The following DOCK7 variants were observed in gnomAD, a reference collection of about 807,000 sequenced individuals.
DOCK7 encodes dedicator of cytokinesis protein 7.
DOCK7 carries 138 observed loss-of-function variants against 271.0 expected under a neutral mutation model. The ratio of observed to expected loss-of-function variants is 0.51; its 90% CI spans 0.44 to 0.59. DOCK7 has a LOEUF of 0.59. Among genes scored for constraint, DOCK7 ranks in the 20% least tolerant of loss-of-function variants. DOCK7 has a pLI of 0.00. For synonymous variants in DOCK7, 823 were observed against 876.1 expected, an observed-to-expected ratio of 0.94 and a Z score of 1.07; for missense variants, 2,066 against 2,592.4, an observed-to-expected ratio of 0.80 and a Z score of 4.41.
chr1:62,475,803 C>A lies in DOCK7; in HGVS notation c.5865G>T (p.Gly1955=). The part of the protein sequence containing the change: ...TPFTLDGRAH[G]ELHEQFKRKT... ...TCCTTTTGAATTGTTCATGAAGTTC[C>A]CCATGGGCACGGCCATCTAAAGTAA... Residue 1955 remains glycine, a synonymous_variant, in exon 46 of 50, where the codon GGG becomes GGT. Coordinates refer to ENST00000635253, the MANE Select transcript of DOCK7 (RefSeq NM_001367561.1). The A allele has an allele frequency of 2.5e-6, 4 of 1,613,998 alleles. No individual in the cohort carries two copies. Among genetic ancestry groups the A allele is most frequent in the Non-Finnish European group, 3.4e-6 (4 of 1,179,924 alleles).
chr1:62,576,397 G>C (rs533660852), intron 18 of DOCK7, among the ~76,000 whole-genome samples: 19 of 152,322 alleles, frequency 1.2e-4, no homozygotes, highest in African/African-American at 4.6e-4. Context: ...CAAAGGGCCT[G>C]AAATGCAAAT....
At chr1:62,478,967 C>G (rs1571230333) in intron 43 of DOCK7, 2 of 151,960 alleles carry the variant, frequency 1.3e-5, no homozygotes, top group African/African-American at 4.8e-5. Flanking sequence ...ACTTTCTATG[C>G]AATTTTTACA....
At chr1:62,458,951 A>G (rs1645432700) in intron 48 of DOCK7, 1 of 152,246 alleles carries the variant, frequency 6.6e-6, no homozygotes, top group South Asian at 2.1e-4. Flanking sequence ...ATATCTCTAC[A>G]TATTTGTGGA....
At chr1:62,499,416 T>C (rs1342464216) in intron 37 of DOCK7, among the ~76,000 whole-genome samples, 1 of 152,106 alleles carries the variant, frequency 6.6e-6, no homozygotes, top group Non-Finnish European at 1.5e-5. Flanking sequence ...TTTATCAAAA[T>C]GAGGAGTCAG....
At position 62,633,289 on chromosome 1, in the gene DOCK7, C is replaced by T. The variant is rs551327192; in HGVS notation, c.1116+209G>A. ...ACCACAGCATATGAAACATATGACA[C>T]AGGCTAGGTGACAAATTAAATAAAG... On this transcript the variant is annotated intron_variant, in intron 10 of 49. Coordinates refer to ENST00000635253, the MANE Select transcript of DOCK7 (RefSeq NM_001367561.1). 3.3e-5 allele frequency among the ~76,000 whole-genome samples: 5 copies of T among 152,012 alleles called. No homozygotes were observed. The South Asian group carries it at 1.0e-3, about 32-fold the overall frequency.
intron 1 of DOCK7, among the ~76,000 whole-genome samples, chr1:62,681,440 C>T (rs553390452): frequency 1.8e-4 from 27 of 149,786 alleles, no homozygotes; most frequent in Middle Eastern, 7.0e-3. Context: ...CTGTAAATGA[C>T]GAGTTAATGG....
chr1:62,599,288 C>CA (rs1398721747), intron 14 of DOCK7, among the ~76,000 whole-genome samples: 4 of 152,020 alleles, frequency 2.6e-5, no homozygotes, highest in Non-Finnish European at 5.9e-5. Flanking sequence ...TCAAACACAT[C>CA]AAACATACTG....
chr1:62,484,058 T>C (rs2149275376), intron 43 of DOCK7: 1 of 152,382 alleles, frequency 6.6e-6, no homozygotes, highest in East Asian at 1.9e-4. Context: ...CTTGGATGTG[T>C]TACTTTATGT....
In DOCK7 at chr1:62,504,838, T is replaced by C. The variant is rs987661617; in HGVS notation, c.4612-56A>G. 2.5e-6 allele frequency: 4 copies of C among 1,578,962 alleles called. No homozygotes were observed. In the African/African-American group the frequency reaches 4.1e-5, roughly 16 times the overall value. On this transcript the variant is annotated intron_variant, in intron 36 of 49. Transcript: ENST00000635253. Reference sequence around the variant, plus strand: ...ATTTTTACAGTAAAAGTTTCTGAGATATGTTAATATAACCTGAACTGGAGA... The same window carrying C: ...ATTTTTACAGTAAAAGTTTCTGAGACATGTTAATATAACCTGAACTGGAGA...
chr1:62,559,290 C>T (rs1011901776), intron 19 of DOCK7, 70 bp from the exon 20 acceptor site: 13 of 1,171,070 alleles, frequency 1.1e-5, no homozygotes, highest in African/African-American at 7.7e-5. Flanking sequence ...TAAAGGACCA[C>T]GGACCACAAA....
At chr1:62,526,327 T>C (rs1297657660) in intron 31 of DOCK7, among the ~76,000 whole-genome samples, 1 of 152,210 alleles carries the variant, frequency 6.6e-6, no homozygotes, top group Non-Finnish European at 1.5e-5. Flanking sequence ...GTTCAACATC[T>C]GTAGGTTGTT....
At position 62,625,311 on chromosome 1, in the gene DOCK7, T is replaced by C; in HGVS notation, c.1373A>G (p.Asn458Ser). 6.2e-7 allele frequency: 1 copy of C among 1,614,000 alleles called. No homozygotes were observed. Among genetic ancestry groups the C allele is most frequent in the South Asian group, 1.1e-5 (1 of 91,060 alleles). The change falls in exon 12 of 50, where the codon AAC (asparagine) becomes AGC (serine). Residue 458 changes from asparagine to serine, a missense_variant. Physicochemically the swap from Asn to Ser is conservative, Grantham distance 46. Transcript: ENST00000635253. The stretch of plus-strand genomic sequence containing the variant: ...AGTAGCTGGTCGAAAGCTCGTCAAG[T>C]TACAAGCATCATCTCCACTTGTTGT... ...ERTTSGDDAC[N>S]LTSFRPATLT...
At chr1:62,499,886 A>G (rs991973690) in intron 37 of DOCK7, among the ~76,000 whole-genome samples, 1 of 151,994 alleles carries the variant, frequency 6.6e-6, no homozygotes, top group Non-Finnish European at 1.5e-5. Context: ...TCTCTAAAAA[A>G]TAAATAAATA....
At position 62,688,285 on chromosome 1, in the gene DOCK7, C is replaced by T. The variant is rs1408936484; in HGVS notation, c.-21G>A. The stretch of plus-strand genomic sequence containing the variant: ...GCCATGGCTGCTGCGGCGACGGCGA[C>T]GGCGGCGGCGGCTGCGGCGGGCCGG... On this transcript the variant is annotated 5_prime_UTR_variant, in exon 1 of 50. Transcript: ENST00000635253. 5 of 1,230,374 alleles carry T rather than the reference C, an allele frequency of 4.1e-6. No homozygotes were observed. The highest frequency in any genetic ancestry group is 3.6e-5 in the East Asian group (1 of 27,536). The allele number at this position is 1,230,374 out of a possible 1,614,324, so 76.2% of individuals were successfully genotyped here. A position where few individuals can be genotyped will look rare whatever the true frequency, so the allele number is the denominator to read the frequency against.
rs2149285967 is a variant in DOCK7, at chr1:62,488,926, A to G, written c.5493+8T>C. ...CTTTATAGTGAAGCTAGAAATTGGA[A>G]TCATTACCTGATGAACAATTTTGCT... On this transcript the variant is annotated splice_region_variant and intron_variant, in intron 42 of 49. Coordinates refer to ENST00000635253, the MANE Select transcript of DOCK7 (RefSeq NM_001367561.1). 2 of 1,613,702 alleles carry G rather than the reference A, an allele frequency of 1.2e-6. No individual in the cohort carries two copies. The highest frequency in any genetic ancestry group is 4.5e-5 in the East Asian group (2 of 44,776).
intron 31 of DOCK7, among the ~76,000 whole-genome samples, chr1:62,518,522 C>T (rs1459323979): frequency 1.3e-5 from 2 of 150,092 alleles, no homozygotes; most frequent in African/African-American, 2.5e-5. Flanking sequence ...TGCAGTGAGC[C>T]GAGATTGCGC....
chr1:62,647,747 A>G lies in DOCK7; in HGVS notation c.762T>C (p.Pro254=). Reference sequence around the variant, plus strand: ...GACCAAAATGTTCTTTGGGTATATCAGGAACACTAAGCCGTTCTATTGGTT... The same window carrying G: ...GACCAAAATGTTCTTTGGGTATATCGGGAACACTAAGCCGTTCTATTGGTT... The part of the protein sequence containing the change: ...EEEPIERLSV[P]DIPKEHFGQR... Residue 254 remains proline (P), a synonymous_variant, in exon 7 of 50, where the codon CCT becomes CCC. Transcript: ENST00000635253. 1 of 1,610,974 alleles carries G rather than the reference A, an allele frequency of 6.2e-7. No individual in the cohort carries two copies. The highest frequency in any genetic ancestry group is 8.5e-7 in the Non-Finnish European group (1 of 1,178,958).
intron 14 of DOCK7, among the ~76,000 whole-genome samples, chr1:62,599,342 G>T (rs920319953): frequency 6.6e-6 from 1 of 151,868 alleles, no homozygotes; most frequent in African/African-American, 2.4e-5. Flanking sequence ...TAACTGGAAC[G>T]CTCTTCTGCC....
chr1:62,634,235 G>A (rs1210543099), intron 9 of DOCK7: 1 of 152,278 alleles, frequency 6.6e-6, no homozygotes, highest in East Asian at 1.9e-4. Context: ...ATAAAACATT[G>A]CTGAGAGAAG....
Sources: gnomAD v4.1 joint callset for allele counts (sites outside exome capture counted in the v4.1 genomes callset) on GRCh38, gnomAD v4.1.1 for gene constraint, MANE v1.5 for transcripts, NCBI Gene and HGNC (gene_info 2026-07-23, HGNC 2026-07-21) for gene names.